GRK5: variants seen among roughly 807,000 people sequenced by gnomAD.
GRK5 encodes G protein-coupled receptor kinase 5, also known as g protein-coupled receptor kinase GRK5.
Under a neutral mutation model 78.4 loss-of-function variants are expected in GRK5, and 40 were observed. The ratio of observed to expected loss-of-function variants is 0.51; its 90% confidence interval spans 0.40 to 0.66. The LOEUF (loss-of-function observed/expected upper bound fraction) is 0.66, where lower values mean the gene tolerates loss of function less well. GRK5 is among the 30% of genes least tolerant of loss of function. GRK5 has a pLI of 0.00. For missense variants in GRK5, 598 were observed against 759.9 expected (o/e 0.79, Z 2.50); for synonymous variants, 289 against 296.8 (o/e 0.97, Z 0.27).
chr10:119,455,280 A>T lies in GRK5; in HGVS notation c.*213A>T. On this transcript the variant is annotated 3_prime_UTR_variant, in exon 16 of 16. Transcript: ENST00000392870. The stretch of plus-strand genomic sequence containing the variant: ...TCCGAGGCGGCCCCGGCCGGGGTGG[A>T]TTGGATTTGTCTTTGGTGAACATTG... 1.4e-6 allele frequency: 1 copy of T among 696,730 alleles called. No individual in the cohort carries two copies. Among genetic ancestry groups the T allele is most frequent in the Non-Finnish European group, 2.6e-6 (1 of 381,732 alleles). The allele number at this position is 696,730 out of a possible 1,614,324, so 43.2% of individuals were successfully genotyped here. A position where few individuals can be genotyped will look rare whatever the true frequency, so the allele number is the denominator to read the frequency against.
intron 3 of GRK5, among the ~76,000 whole-genome samples, chr10:119,392,756 G>A (rs1410302803): frequency 6.6e-6 from 1 of 152,140 alleles, no homozygotes; most frequent in Non-Finnish European, 1.5e-5. Context: ...TCGGGGAGGG[G>A]ACAAGGCCCA....
chr10:119,452,021 G>A lies in GRK5; in HGVS notation c.1405-650G>A, dbSNP rs931362503. The stretch of plus-strand genomic sequence containing the variant: ...CACACCAACCTTGAACTCTTAGAGG[G>A]CAGGGTCCACCCAGGTTCATCTCTG... On this transcript the variant is annotated intron_variant, in intron 13 of 15. Coordinates refer to ENST00000392870, the MANE Select transcript of GRK5 (RefSeq NM_005308.3). The surrounding 1 kb of genome is among the most constrained non-coding windows in gnomAD (Gnocchi z 4.4). Among the ~76,000 whole-genome samples the A allele has an allele frequency of 6.6e-5, 10 of 152,198 alleles. No individual in the cohort carries two copies. Among genetic ancestry groups the A allele is most frequent in the African/African-American group, 2.4e-4 (10 of 41,446 alleles).
rs543892742 is a variant in GRK5 at position 119,228,761 on chromosome 10, A to G, written c.52+20792A>G. On this transcript the variant is annotated intron_variant, in intron 1 of 15. Coordinates refer to ENST00000392870, the MANE Select transcript of GRK5 (RefSeq NM_005308.3). ...ACACTTAATAATTAGAAGAAAAAAGATGTCTTTTTTGGGGAGGGGGTGACA... is the reference window on the plus strand; with the variant it reads ...ACACTTAATAATTAGAAGAAAAAAGGTGTCTTTTTTGGGGAGGGGGTGACA... Among the ~76,000 whole-genome samples the G allele has an allele frequency of 2.6e-5, 4 of 152,332 alleles. No individual in the cohort carries two copies. In the East Asian group the frequency reaches 5.8e-4, roughly 22 times the overall value.
At chr10:119,365,114 C>T (rs1851424374) in intron 2 of GRK5, among the ~76,000 whole-genome samples, 1 of 152,090 alleles carries the variant, frequency 6.6e-6, no homozygotes, top group Non-Finnish European at 1.5e-5. Context: ...CTTACAAGGT[C>T]TAGACAGTTA....
At chr10:119,304,928 T>C (rs1257462278) in intron 1 of GRK5, among the ~76,000 whole-genome samples, 1 of 152,044 alleles carries the variant, frequency 6.6e-6, no homozygotes, top group African/African-American at 2.4e-5. Flanking sequence ...TTCTTCCTCC[T>C]TTTCTTCCCT....
At chr10:119,256,715 C>T (rs1052600762) in intron 1 of GRK5, among the ~76,000 whole-genome samples, 1 of 152,118 alleles carries the variant, frequency 6.6e-6, no homozygotes, top group African/African-American at 2.4e-5. Flanking sequence ...GGAACATCCC[C>T]CCTCTTTTTA....
At position 119,378,666 on chromosome 10, in the gene GRK5, C is replaced by T. The variant is rs1851664313; in HGVS notation, c.149-2149C>T. ...CTCTCCGCTCATCTCCGCTTGTGTG[C>T]GGGCTGCGCCTCCGTGGGCTCTCGC... On this transcript the variant is annotated intron_variant, in intron 2 of 15. Transcript: ENST00000392870. The surrounding 1 kb of genome is among the most constrained non-coding windows in gnomAD (Gnocchi z 4.5). Among the ~76,000 whole-genome samples, 1 of 137,726 alleles carries T rather than the reference C, an allele frequency of 7.3e-6. No homozygotes were observed. The highest frequency in any genetic ancestry group is 1.6e-5 in the Non-Finnish European group (1 of 64,010). The allele number at this position is 137,726 out of a possible 152,430, so 90.4% of individuals were successfully genotyped here.
In GRK5 at chr10:119,249,312, T is replaced by C. The variant is rs1014576717; in HGVS notation, c.52+41343T>C. 3.3e-5 allele frequency among the ~76,000 whole-genome samples: 5 copies of C among 151,990 alleles called. No individual in the cohort carries two copies. The South Asian group carries it at 8.3e-4, about 25-fold the overall frequency. On this transcript the variant is annotated intron_variant, in intron 1 of 15. Transcript: ENST00000392870. Reference sequence around the variant, plus strand: ...AAAAACAAAAAGGAGATACTAATAATACCTACCTTGTAGGGTGAAGTGACT... The same window carrying C: ...AAAAACAAAAAGGAGATACTAATAACACCTACCTTGTAGGGTGAAGTGACT...
intron 1 of GRK5, among the ~76,000 whole-genome samples, chr10:119,293,470 A>G (rs1334077824): frequency 2.0e-5 from 3 of 152,202 alleles, no homozygotes; most frequent in Non-Finnish European, 2.9e-5. Context: ...CACTCTGTGT[A>G]TTAAGTGATT....
chr10:119,350,277 C>T (rs533912002), intron 2 of GRK5, among the ~76,000 whole-genome samples: 39 of 152,288 alleles, frequency 2.6e-4, no homozygotes, highest in Middle Eastern at 3.4e-3. Context: ...TTTTTCAGTG[C>T]GGCATTTAGC....
chr10:119,265,271 A>G (rs1351517631), intron 1 of GRK5, among the ~76,000 whole-genome samples: 2 of 152,218 alleles, frequency 1.3e-5, no homozygotes, highest in African/African-American at 4.8e-5. Flanking sequence ...ACTGAGGCTC[A>G]GGGTAGAGAA....
chr10:119,228,457 A>T (rs908272702), intron 1 of GRK5, among the ~76,000 whole-genome samples: 2 of 151,900 alleles, frequency 1.3e-5, no homozygotes, highest in African/African-American at 4.8e-5. Flanking sequence ...TAAAAAAAAA[A>T]AAAAAATTAA....
At chr10:119,316,735 A>G (rs1008130811) in intron 1 of GRK5, among the ~76,000 whole-genome samples, 6 of 152,188 alleles carry the variant, frequency 3.9e-5, no homozygotes, top group African/African-American at 1.4e-4. Flanking sequence ...CTCCTGGCAC[A>G]TTGGTGTGTG....
intron 3 of GRK5, among the ~76,000 whole-genome samples, 163 bp from the exon 4 acceptor site, chr10:119,396,532 G>T (rs967872661): frequency 2.5e-4 from 38 of 152,206 alleles, no homozygotes; most frequent in Non-Finnish European, 5.0e-4. Context: ...ACTAAACATC[G>T]GGGCTCCGTG....
chr10:119,298,097 T>G (rs940060182), intron 1 of GRK5, among the ~76,000 whole-genome samples: 1 of 152,154 alleles, frequency 6.6e-6, no homozygotes, highest in Non-Finnish European at 1.5e-5. Flanking sequence ...CTACTCAGAG[T>G]TAACATTTAT....
At chr10:119,417,467 C>T (rs900289857) in intron 4 of GRK5, among the ~76,000 whole-genome samples, 1 of 152,216 alleles carries the variant, frequency 6.6e-6, no homozygotes, top group Admixed American at 6.5e-5. Flanking sequence ...GATTAGCCAG[C>T]AAGTCACCCC....
At chr10:119,212,669 C>T (rs1042033389) in intron 1 of GRK5, among the ~76,000 whole-genome samples, 4 of 152,162 alleles carry the variant, frequency 2.6e-5, no homozygotes, top group East Asian at 1.9e-4. Context: ...AATGTCTAGA[C>T]ATTTTTGAAA....
chr10:119,371,807 TCTGTCCAGTGG>T (rs1407268655), intron 2 of GRK5, among the ~76,000 whole-genome samples: 1 of 152,218 alleles, frequency 6.6e-6, no homozygotes, highest in Non-Finnish European at 1.5e-5. Flanking sequence ...GGAGATAGGA[TCTGTCCAGTGG>T]CTGCTGTTTC....
chr10:119,347,288 C>T (rs1851111912), intron 2 of GRK5, among the ~76,000 whole-genome samples: 1 of 150,900 alleles, frequency 6.6e-6, no homozygotes, highest in African/African-American at 2.4e-5. Context: ...TGCAAGTGTG[C>T]ATGTGTGTGT....
Sources: allele counts gnomAD v4.1 joint callset (sites outside exome capture counted in the v4.1 genomes callset), GRCh38; gene constraint gnomAD v4.1.1; non-coding constraint Gnocchi (gnomAD v3.1); transcripts MANE v1.5; gene names NCBI Gene and HGNC (gene_info 2026-07-23, HGNC 2026-07-21).